The following MACO1 variants were observed in gnomAD, a reference collection of about 807,000 sequenced individuals.
MACO1 encodes macoilin 1.
In MACO1, 14 loss-of-function variants were observed where a neutral mutation model predicts 78.7. The ratio of observed to expected loss-of-function variants is 0.18; its 90% CI spans 0.12 to 0.28. The LOEUF is 0.28. MACO1 is among the 10% of genes least tolerant of loss of function. The probability of loss-of-function intolerance (pLI) is 1.00; values close to 1 mark genes in which losing one functional copy is unlikely to be tolerated. For missense variants in MACO1, 501 were observed against 799.0 expected (o/e 0.63, Z 4.50); for synonymous variants, 288 against 291.6 (o/e 0.99, Z 0.12).
chr1:25,456,258 A>G (rs1374496775), intron 4 of MACO1, among the ~76,000 whole-genome samples: 2 of 136,620 alleles, frequency 1.5e-5, no homozygotes, highest in Non-Finnish European at 1.6e-5. Flanking sequence ...ACTCCATTTC[A>G]AAAAAAAAAA....
intron 2 of MACO1, among the ~76,000 whole-genome samples, chr1:25,447,223 A>AG: frequency 6.6e-6 from 1 of 151,918 alleles, no homozygotes; most frequent in Admixed American, 6.6e-5. Flanking sequence ...ACCTTAAAAA[A>AG]AAAATTGCTC....
At chr1:25,455,770 A>G (rs548695798) in intron 4 of MACO1, among the ~76,000 whole-genome samples, 4 of 152,354 alleles carry the variant, frequency 2.6e-5, no homozygotes, top group African/African-American at 7.2e-5. Context: ...GAATTTATAT[A>G]TGACAGAGTG....
chr1:25,439,632 C>T (rs2042950736), intron 1 of MACO1, among the ~76,000 whole-genome samples: 1 of 151,498 alleles, frequency 6.6e-6, no homozygotes, highest in East Asian at 1.9e-4. Context: ...AGCAGTGGTT[C>T]CAGTTTATTT....
intron 6 of MACO1, among the ~76,000 whole-genome samples, chr1:25,476,060 A>G: frequency 6.6e-6 from 1 of 152,224 alleles, no homozygotes; most frequent in East Asian, 1.9e-4. Context: ...TAAGATATGA[A>G]TATTAATGAC....
At chr1:25,486,481 C>T (rs1049502811) in intron 8 of MACO1, among the ~76,000 whole-genome samples, 10 of 152,022 alleles carry the variant, frequency 6.6e-5, no homozygotes, top group Admixed American at 5.2e-4. Flanking sequence ...GTTTTCTTGA[C>T]TAGTGAAGTC....
At chr1:25,468,152 T>C (rs2043235492) in intron 6 of MACO1, among the ~76,000 whole-genome samples, 1 of 152,134 alleles carries the variant, frequency 6.6e-6, no homozygotes, top group South Asian at 2.1e-4. Flanking sequence ...AAATTCTTGC[T>C]CTTGCCAAAG....
At chr1:25,447,324 G>A (rs564071912) in intron 2 of MACO1, among the ~76,000 whole-genome samples, 1 of 152,130 alleles carries the variant, frequency 6.6e-6, no homozygotes, top group East Asian at 1.9e-4. Flanking sequence ...TTGGTCTCAG[G>A]GCCCCTTTTC....
In MACO1 at chr1:25,485,912, T is replaced by G. The variant is rs2043426302; in HGVS notation, c.1496+117T>G. The G allele has an allele frequency of 3.6e-6, 4 of 1,109,294 alleles. 1 individual carries two copies. In the African/African-American group the frequency reaches 4.7e-5, roughly 13 times the overall value. The allele number at this position is 1,109,294 out of a possible 1,614,324, so 68.7% of individuals were successfully genotyped here. A position where few individuals can be genotyped will look rare whatever the true frequency, so the allele number is the denominator to read the frequency against. ...GTACAGCAATCATGCACGGATGGATTGCTTTTAAGTACTGTTTTATTAACT... is the reference window on the plus strand; with the variant it reads ...GTACAGCAATCATGCACGGATGGATGGCTTTTAAGTACTGTTTTATTAACT... On this transcript the variant is annotated intron_variant, in intron 8 of 10. Coordinates refer to ENST00000374343, the MANE Select transcript of MACO1 (RefSeq NM_018202.6). The surrounding 1 kb of genome is among the most constrained non-coding windows in gnomAD (Gnocchi z 4.3).
intron 7 of MACO1, among the ~76,000 whole-genome samples, chr1:25,484,792 T>G (rs1288314222): frequency 6.6e-6 from 1 of 151,312 alleles, no homozygotes; most frequent in Non-Finnish European, 1.5e-5. Flanking sequence ...CTTTTTTCTT[T>G]TTTTAAATCT....
intron 1 of MACO1, among the ~76,000 whole-genome samples, chr1:25,437,445 C>G (rs1472731071): frequency 6.6e-6 from 1 of 151,970 alleles, no homozygotes; most frequent in African/African-American, 2.4e-5. Context: ...GCATGAGCCA[C>G]CGCACCCACC....
chr1:25,444,922 A>G (rs570657577), intron 1 of MACO1, among the ~76,000 whole-genome samples: 1 of 152,184 alleles, frequency 6.6e-6, no homozygotes, highest in African/African-American at 2.4e-5. Flanking sequence ...TAGGTCAGTT[A>G]TGGATTTAAT....
rs2042861391 is a variant in MACO1, at chr1:25,431,174, G to C, written c.76G>C (p.Gly26Arg). 3 of 1,593,636 alleles carry C rather than the reference G, an allele frequency of 1.9e-6. No homozygotes were observed. The highest frequency in any genetic ancestry group is 2.6e-6 in the Non-Finnish European group (3 of 1,172,920). Residue 26 changes from glycine to arginine, a missense_variant, in exon 1 of 11, where the codon GGC becomes CGC. Gly to Arg is a moderately radical substitution (Grantham distance 125). Around this residue, in one of 5 missense-constraint regions of MACO1, gnomAD observed 171 missense variants for 292.1 expected, o/e 0.59. Coordinates refer to ENST00000374343, the MANE Select transcript of MACO1 (RefSeq NM_018202.6). ...GAACCGGATCACCGAGGGCATTTAC[G>C]GCAGGTGAGCGGCTGCACCCCCACT... ...KRNRITEGIY[G>R]STFLYLKFLV...
chr1:25,462,491 CCA>C, intron 6 of MACO1, among the ~76,000 whole-genome samples: 1 of 152,234 alleles, frequency 6.6e-6, no homozygotes, highest in Non-Finnish European at 1.5e-5. Flanking sequence ...GTCTGTTGTT[CCA>C]GTCTTTCTGT....
chr1:25,434,853 T>G (rs1290141102), intron 1 of MACO1, among the ~76,000 whole-genome samples: 3 of 152,302 alleles, frequency 2.0e-5, no homozygotes, highest in Admixed American at 2.0e-4. Flanking sequence ...AATATCTCAT[T>G]GCAGGCAGTG....
intron 6 of MACO1, among the ~76,000 whole-genome samples, chr1:25,465,620 GC>G (rs2043211825): frequency 1.3e-5 from 2 of 152,038 alleles, no homozygotes; most frequent in South Asian, 2.1e-4. Context: ...TAAAGTCTTA[GC>G]CCACTTTTAA....
At chr1:25,489,077 T>A in intron 8 of MACO1, 96 bp from the exon 9 acceptor site, 1 of 1,448,434 alleles carries the variant, frequency 6.9e-7, no homozygotes, top group Non-Finnish European at 9.2e-7. Flanking sequence ...TGCCTCGGCC[T>A]CCCAAAGTGC....
At chr1:25,455,349 A>G (rs1049515014) in intron 4 of MACO1, among the ~76,000 whole-genome samples, 1 of 152,190 alleles carries the variant, frequency 6.6e-6, no homozygotes, top group African/African-American at 2.4e-5. Flanking sequence ...CACCTAATGT[A>G]TGTTTCTCCT....
chr1:25,474,958 G>T (rs2043307027), intron 6 of MACO1, among the ~76,000 whole-genome samples: 1 of 152,160 alleles, frequency 6.6e-6, no homozygotes, highest in Non-Finnish European at 1.5e-5. Context: ...GGACAAACAG[G>T]ACAATAAACT....
rs1250750847 is a variant in MACO1 at position 25,484,263 on chromosome 1, G to A, written c.1302G>A (p.Leu434=). The A allele has an allele frequency of 1.2e-6, 2 of 1,610,386 alleles. No individual in the cohort carries two copies. Among genetic ancestry groups the A allele is most frequent in the Non-Finnish European group, 1.7e-6 (2 of 1,178,882 alleles). The change falls in exon 7 of 11, where the codon CTG becomes CTA. Residue 434 remains leucine, a synonymous_variant. Transcript: ENST00000374343. ...EMGQLRQENE[L]LQNKLHNAVQ... is the part of the protein sequence containing the mutation. ...GCCAGCTTCGGCAGGAGAACGAGCT[G>A]CTGCAGAACAAGTACGTGCACCTTT...
Sources: gnomAD v4.1 joint callset for allele counts (sites outside exome capture counted in the v4.1 genomes callset) on GRCh38, gnomAD v4.1.1 for gene constraint, gnomAD v4.1.1 regional missense constraint, Gnocchi (gnomAD v3.1) non-coding constraint, MANE v1.5 for transcripts, NCBI Gene and HGNC (gene_info 2026-07-23, HGNC 2026-07-21) for gene names.